SEZ6L: variants seen among roughly 807,000 people sequenced by gnomAD.
The protein encoded by SEZ6L is seizure related 6 homolog like, also known as seizure 6-like protein.
Under a neutral mutation model 106.2 loss-of-function variants are expected in SEZ6L, and 37 were observed. That is an observed-to-expected ratio of 0.35 (90% CI 0.27 to 0.46). The LOEUF (loss-of-function observed/expected upper bound fraction) is 0.46, where lower values mean the gene tolerates loss of function less well. SEZ6L is among the 20% of genes least tolerant of loss of function. The pLI, the probability that SEZ6L is intolerant of heterozygous loss-of-function variation, is 1.00. For synonymous variants in SEZ6L, 541 were observed against 570.4 expected (o/e 0.95, Z 0.73); for missense variants, 1,172 against 1,332.8 (o/e 0.88, Z 1.88).
chr22:26,192,350 C>T (rs1940275953), intron 1 of SEZ6L, among the ~76,000 whole-genome samples: 1 of 152,152 alleles, frequency 6.6e-6, no homozygotes, highest in South Asian at 2.1e-4. Flanking sequence ...ATAGCATATA[C>T]ATTTAAAGAA....
intron 12 of SEZ6L, among the ~76,000 whole-genome samples, chr22:26,363,769 T>C (rs1431567855): frequency 6.6e-6 from 1 of 152,194 alleles, no homozygotes; most frequent in Non-Finnish European, 1.5e-5. Flanking sequence ...GACACAAGTG[T>C]CCATCGATGG....
chr22:26,299,447 G>C (rs892643469), intron 5 of SEZ6L, among the ~76,000 whole-genome samples: 2 of 152,138 alleles, frequency 1.3e-5, no homozygotes, highest in African/African-American at 4.8e-5. Context: ...TGGAAACACT[G>C]TACAGAAAGC....
intron 1 of SEZ6L, among the ~76,000 whole-genome samples, chr22:26,183,650 G>A (rs1939559273): frequency 6.6e-6 from 1 of 152,246 alleles, no homozygotes; most frequent in African/African-American, 2.4e-5. Flanking sequence ...AACGGGGCCT[G>A]CTGAGAGCGA....
At chr22:26,353,436 T>C (rs1160590108) in intron 12 of SEZ6L, among the ~76,000 whole-genome samples, 3 of 152,236 alleles carry the variant, frequency 2.0e-5, no homozygotes, top group African/African-American at 7.2e-5. Flanking sequence ...TCATTGCTCA[T>C]TGAATGTGTA....
At chr22:26,345,021 T>C (rs1351976366) in intron 10 of SEZ6L, among the ~76,000 whole-genome samples, 1 of 151,956 alleles carries the variant, frequency 6.6e-6, no homozygotes, top group Admixed American at 6.6e-5. Flanking sequence ...CCACTTAGGG[T>C]GCTTGGTAAA....
At chr22:26,348,561 G>GAAA (rs2083093256) in intron 11 of SEZ6L, among the ~76,000 whole-genome samples, 6 of 36,178 alleles carry the variant, frequency 1.7e-4, no homozygotes, top group African/African-American at 6.3e-4. Flanking sequence ...AAGGAAGGAA[G>GAAA]GGAGGAAAGA....
At chr22:26,240,558 C>A (rs2079093689) in intron 1 of SEZ6L, among the ~76,000 whole-genome samples, 1 of 152,138 alleles carries the variant, frequency 6.6e-6, no homozygotes, top group African/African-American at 2.4e-5. Flanking sequence ...TTGCTTGAGG[C>A]AATTTAATAA....
At chr22:26,253,872 T>G (rs2079707203) in intron 1 of SEZ6L, 1 of 152,202 alleles carries the variant, frequency 6.6e-6, no homozygotes, top group Non-Finnish European at 1.5e-5. Flanking sequence ...GGAAAAAAGA[T>G]TTTATAAGGA....
chr22:26,323,743 C>T (rs1179749264), intron 9 of SEZ6L, among the ~76,000 whole-genome samples: 1 of 152,134 alleles, frequency 6.6e-6, no homozygotes, highest in Non-Finnish European at 1.5e-5. Flanking sequence ...ATATCCCAGA[C>T]TTTATGCTAA....
At chr22:26,367,544 T>G (rs2083862028) in intron 13 of SEZ6L, among the ~76,000 whole-genome samples, 1 of 152,058 alleles carries the variant, frequency 6.6e-6, no homozygotes, top group African/African-American at 2.4e-5. Flanking sequence ...GGGGTCTCGC[T>G]ATGTTGCCCA....
At chr22:26,328,627 C>G (rs1030839406) in intron 9 of SEZ6L, among the ~76,000 whole-genome samples, 1 of 152,074 alleles carries the variant, frequency 6.6e-6, no homozygotes, top group Admixed American at 6.5e-5. Context: ...CCACTGCCTT[C>G]GGAAATGGCT....
chr22:26,253,440 C>A (rs570666429), intron 1 of SEZ6L, among the ~76,000 whole-genome samples: 45 of 152,106 alleles, frequency 3.0e-4, no homozygotes, highest in Non-Finnish European at 5.0e-4. Flanking sequence ...CTTTTACCCC[C>A]CTACTTGCAA....
At chr22:26,372,434 C>T (rs182869751) in intron 13 of SEZ6L, among the ~76,000 whole-genome samples, 17 of 152,280 alleles carry the variant, frequency 1.1e-4, no homozygotes, top group Admixed American at 1.0e-3. Context: ...GCCAAAGCTG[C>T]AGAGAAGTGT....
chr22:26,201,382 C>CAAAAATAAAA (rs746847898), intron 1 of SEZ6L, among the ~76,000 whole-genome samples: 1 of 75,320 alleles, frequency 1.3e-5, no homozygotes, highest in African/African-American at 5.7e-5. Context: ...TACAAAAATA[C>CAAAAATAAAA]AAAAAAAAAA....
chr22:26,260,626 A>G (rs1244519211), intron 1 of SEZ6L, among the ~76,000 whole-genome samples: 1 of 152,108 alleles, frequency 6.6e-6, no homozygotes, highest in Non-Finnish European at 1.5e-5. Context: ...TTATCTGCTC[A>G]TTGATTGATG....
intron 1 of SEZ6L, among the ~76,000 whole-genome samples, chr22:26,232,585 C>T (rs1333632656): frequency 1.3e-5 from 2 of 152,114 alleles, no homozygotes; most frequent in South Asian, 2.1e-4. Context: ...TTTCATGATC[C>T]GATACACAAA....
intron 9 of SEZ6L, among the ~76,000 whole-genome samples, chr22:26,323,577 G>C (rs1309887385): frequency 1.3e-5 from 2 of 152,126 alleles, no homozygotes; most frequent in Non-Finnish European, 2.9e-5. Flanking sequence ...GACCAGCTTG[G>C]GCAACATAGT....
chr22:26,304,936 T>C (rs926390994), intron 5 of SEZ6L, among the ~76,000 whole-genome samples: 1 of 152,202 alleles, frequency 6.6e-6, no homozygotes, highest in Admixed American at 6.5e-5. Context: ...GTGAACATCA[T>C]AGAGTGTATG....
intron 8 of SEZ6L, 47 bp from the exon 9 acceptor site, chr22:26,313,717 C>G: frequency 6.3e-7 from 1 of 1,589,164 alleles, no homozygotes; most frequent in Non-Finnish European, 8.6e-7. Flanking sequence ...GCCACATTGA[C>G]TTCTTTACAA....
Sources: gnomAD v4.1 joint callset for allele counts (sites outside exome capture counted in the v4.1 genomes callset) on GRCh38, gnomAD v4.1.1 for gene constraint, MANE v1.5 for transcripts, NCBI Gene and HGNC (gene_info 2026-07-23, HGNC 2026-07-21) for gene names.